The following NCALD variants were observed in gnomAD, a reference collection of about 807,000 sequenced individuals.
NCALD encodes the protein neurocalcin-delta.
NCALD carries 10 observed loss-of-function variants against 18.6 expected under a neutral mutation model. The observed-to-expected ratio is 0.54, with a 90% CI of 0.33 to 0.91. The LOEUF (loss-of-function observed/expected upper bound fraction) is 0.91. Ranked by LOEUF, NCALD falls within the 40% of genes least tolerant of loss-of-function variation. The pLI is 0.03. For synonymous variants in NCALD, 88 were observed against 87.4 expected, an observed-to-expected ratio of 1.01 and a Z score of -0.04; for missense variants, 184 against 247.6, an observed-to-expected ratio of 0.74 and a Z score of 1.72.
intron 3 of NCALD, chr8:101,915,482 C>A (rs1817941958): frequency 6.6e-6 from 1 of 152,060 alleles, no homozygotes; most frequent in Admixed American, 6.6e-5. Flanking sequence ...TGTAATGTAC[C>A]CCTTGAGAAG....
At chr8:101,715,857 T>A (rs1397098312) in intron 2 of NCALD, among the ~76,000 whole-genome samples, 1 of 152,236 alleles carries the variant, frequency 6.6e-6, no homozygotes, top group Admixed American at 6.5e-5. Flanking sequence ...GGAATCCTTT[T>A]ACACTGTTGG....
chr8:102,120,030 C>G (rs1361110638), intron 1 of NCALD, among the ~76,000 whole-genome samples: 1 of 152,196 alleles, frequency 6.6e-6, no homozygotes. Context: ...GCTCACTAAA[C>G]TCACTTTAAA....
chr8:102,050,168 C>CAAAAAAAAAAAAAAAAAAAAAA lies in NCALD; in HGVS notation c.-209-29901_-209-29880dup. ...TGGGCGACAGAGCGAGACTCCGTCT[C>CAAAAAAAAAAAAAAAAAAAAAA]AAAAAAAAAAAAAAAAAAAAAAAAA... On this transcript the variant is annotated intron_variant, in intron 1 of 6. Coordinates refer to the NCALD transcript ENST00000311028. Among the ~76,000 whole-genome samples the CAAAAAAAAAAAAAAAAAAAAAA allele has an allele frequency of 4.3e-4, 19 of 44,700 alleles. 1 individual carries two copies. The highest frequency in any genetic ancestry group is 7.7e-4 in the Admixed American group (2 of 2,590). The allele number at this position is 44,700 out of a possible 152,430, so 29.3% of individuals were successfully genotyped here.
At chr8:102,077,726 G>A (rs1824394189) in intron 1 of NCALD, among the ~76,000 whole-genome samples, 1 of 152,120 alleles carries the variant, frequency 6.6e-6, no homozygotes, top group Non-Finnish European at 1.5e-5. Context: ...AGACTGGAAG[G>A]GGCCCTACAC....
At chr8:102,043,940 C>T (rs1418983835) in intron 1 of NCALD, among the ~76,000 whole-genome samples, 1 of 151,876 alleles carries the variant, frequency 6.6e-6, no homozygotes, top group African/African-American at 2.4e-5. Flanking sequence ...GACAAGGACT[C>T]TGGTTACATT....
At chr8:102,054,964 C>T (rs1033446711) in intron 1 of NCALD, among the ~76,000 whole-genome samples, 1 of 151,974 alleles carries the variant, frequency 6.6e-6, no homozygotes, top group African/African-American at 2.4e-5. Context: ...AAAATTCACC[C>T]AGTGTCGATG....
At chr8:102,094,366 C>T (rs1474425939) in intron 1 of NCALD, among the ~76,000 whole-genome samples, 1 of 152,162 alleles carries the variant, frequency 6.6e-6, no homozygotes, top group Non-Finnish European at 1.5e-5. Context: ...CCCAATAGCT[C>T]TGTAAGGTAG....
At chr8:101,981,163 G>A (rs947625295) in intron 2 of NCALD, among the ~76,000 whole-genome samples, 3 of 152,130 alleles carry the variant, frequency 2.0e-5, no homozygotes, top group Non-Finnish European at 4.4e-5. Context: ...TCTCAAACTA[G>A]CTTTGCACAT....
At position 102,028,697 on chromosome 8, in the gene NCALD, G is replaced by A. The variant is rs78575234; in HGVS notation, c.-209-8408C>T. ...CTCTTTTCTACTAATTCCTTTGCCC[G>A]CCATATGTGAATTACACTGCTCCTT... On this transcript the variant is annotated intron_variant, in intron 1 of 6. Coordinates refer to the NCALD transcript ENST00000311028. Among the ~76,000 whole-genome samples the A allele has an allele frequency of 5.1e-3, 775 of 152,252 alleles. 4 individuals carry two copies. Among genetic ancestry groups the A allele is most frequent in the African/African-American group, 0.016 (675 of 41,554 alleles).
intron 2 of NCALD, among the ~76,000 whole-genome samples, chr8:101,939,737 T>C (rs1194397071): frequency 6.6e-6 from 1 of 152,238 alleles, no homozygotes; most frequent in Non-Finnish European, 1.5e-5. Flanking sequence ...TCACATTGCA[T>C]TGACAAACCT....
At chr8:102,007,348 T>C (rs1020543787) in intron 2 of NCALD, among the ~76,000 whole-genome samples, 3 of 152,242 alleles carry the variant, frequency 2.0e-5, no homozygotes, top group Non-Finnish European at 4.4e-5. Context: ...TTTCTGTAAA[T>C]ATAAAATTAT....
chr8:101,869,029 G>A (rs1284645589), intron 4 of NCALD, among the ~76,000 whole-genome samples: 2 of 152,186 alleles, frequency 1.3e-5, no homozygotes, highest in African/African-American at 4.8e-5. Flanking sequence ...CCTCCCAAGG[G>A]CAGACAAAAC....
chr8:101,830,460 C>T (rs1814131284), intron 4 of NCALD, among the ~76,000 whole-genome samples: 1 of 151,764 alleles, frequency 6.6e-6, no homozygotes, highest in Non-Finnish European at 1.5e-5. Context: ...ACTCGGGAGG[C>T]TGAGGCAGGA....
chr8:101,801,972 C>T (rs1375166852), intron 4 of NCALD, among the ~76,000 whole-genome samples: 1 of 152,000 alleles, frequency 6.6e-6, no homozygotes, highest in South Asian at 2.1e-4. Flanking sequence ...GGCCAGCATA[C>T]TTCCTCTTAT....
chr8:102,040,122 TTACA>T (rs1259898146), intron 1 of NCALD, among the ~76,000 whole-genome samples: 2 of 152,184 alleles, frequency 1.3e-5, no homozygotes, highest in African/African-American at 2.4e-5. Context: ...TTAAATGAGT[TTACA>T]TACATAAAGT....
At chr8:102,006,698 T>C (rs548039758) in intron 2 of NCALD, among the ~76,000 whole-genome samples, 2 of 152,244 alleles carry the variant, frequency 1.3e-5, no homozygotes, top group Non-Finnish European at 2.9e-5. Flanking sequence ...GGCACATCTC[T>C]TACTACTGCT....
chr8:101,965,207 G>A (rs1308973956), intron 2 of NCALD, among the ~76,000 whole-genome samples: 6 of 152,138 alleles, frequency 3.9e-5, no homozygotes, highest in Admixed American at 1.3e-4. Context: ...ACAGTGTGGC[G>A]ATTCCTCAAG....
intron 3 of NCALD, chr8:101,690,179 C>CCTTT (rs10632686): frequency 0.16 from 148,531 of 923,174 alleles, 17,557 homozygotes; most frequent in African/African-American, 0.58. Flanking sequence ...TCCAGGAAGG[C>CCTTT]CTGTCACTTG....
chr8:101,787,200 G>A, intron 1 of NCALD, among the ~76,000 whole-genome samples: 1 of 152,118 alleles, frequency 6.6e-6, no homozygotes, highest in Admixed American at 6.6e-5. Context: ...CACCTGGCTT[G>A]AGAAGCAAAC....
Sources: gnomAD v4.1 joint callset for allele counts (sites outside exome capture counted in the v4.1 genomes callset) on GRCh38, gnomAD v4.1.1 for gene constraint, MANE v1.5 for transcripts, NCBI Gene and HGNC (gene_info 2026-07-23, HGNC 2026-07-21) for gene names.